Variants in FER1L6 observed in about 807,000 individuals in gnomAD.
FER1L6 encodes the protein fer-1-like protein 6.
In FER1L6, 177 loss-of-function variants were observed where a neutral mutation model predicts 219.2. The observed-to-expected ratio is 0.81, with a 90% CI of 0.71 to 0.91. The LOEUF is 0.91. FER1L6 is among the 40% of genes least tolerant of loss of function. The pLI is 0.00. For synonymous variants in FER1L6, 768 were observed against 824.3 expected (o/e 0.93, Z 1.17); for missense variants, 2,153 against 2,259.9 (o/e 0.95, Z 0.96).
In FER1L6 at chr8:124,082,516, G is replaced by A. The variant is rs112879937; in HGVS notation, c.4391+58G>A. On this transcript the variant is annotated intron_variant, in intron 33 of 40. Coordinates refer to ENST00000522917, the MANE Select transcript of FER1L6 (RefSeq NM_001039112.2). ...TTCTGAAGCTGTTGTAGCCTTTAGG[G>A]CTCCAGACTCTGCATCCCAGTTGTC... The A allele has an allele frequency of 4.4e-5, 66 of 1,504,682 alleles. No homozygotes were observed. In the African/African-American group the frequency reaches 7.6e-4, roughly 17 times the overall value. The allele number at this position is 1,504,682 out of a possible 1,614,324, so 93.2% of individuals were successfully genotyped here.
chr8:124,015,918 C>T (rs1186739466), intron 15 of FER1L6: 1 of 152,656 alleles, frequency 6.6e-6, no homozygotes, highest in Non-Finnish European at 1.5e-5. Flanking sequence ...CCAAACTGTT[C>T]ATGGCCAAGC....
rs182297019 is a variant in FER1L6, at chr8:124,116,823, T to A, written c.5290-2021T>A. On this transcript the variant is annotated intron_variant, in intron 39 of 40. Transcript: ENST00000522917. ...ATGATCTCTGGAAATAAGACTGTTT[T>A]GTACATTGGAGACCATTTTTCCATG... 2.6e-5 allele frequency among the ~76,000 whole-genome samples: 4 copies of A among 152,338 alleles called. No individual in the cohort carries two copies. The East Asian group carries it at 7.7e-4, about 29-fold the overall frequency.
At chr8:124,026,119 A>G (rs376414084) in intron 18 of FER1L6, among the ~76,000 whole-genome samples, 13 of 152,278 alleles carry the variant, frequency 8.5e-5, no homozygotes, top group East Asian at 5.8e-4. Context: ...GACAGATTCT[A>G]CTGTCTCTAA....
intron 1 of FER1L6, among the ~76,000 whole-genome samples, chr8:123,950,480 A>G (rs1325736905): frequency 6.6e-6 from 1 of 152,236 alleles, no homozygotes; most frequent in Non-Finnish European, 1.5e-5. Context: ...CTGAAGGGCT[A>G]TGAGAGGCTG....
Position 124,101,120 on chromosome 8 carries a change from A to G in FER1L6, c.4907A>G (p.Asp1636Gly), listed in dbSNP as rs1563800874. The change falls in exon 38 of 41, where the codon GAC becomes GGC. Residue 1636 changes from aspartate to glycine, a missense_variant. Physicochemically the swap from Asp to Gly is moderately conservative, Grantham distance 94. Transcript: ENST00000522917. Reference protein sequence around the residue: ...VKGWLKGLEDDKQETDVHYNS... With the variant: ...VKGWLKGLEDGKQETDVHYNS... ...AGGTGGTTAAAGGGCTTGGAGGATG[A>G]CAAGCAGGAGACAGATGTGCATTAC... is the stretch of plus-strand genomic sequence containing the variant. 12 of 1,613,510 alleles carry G rather than the reference A, an allele frequency of 7.4e-6. No individual in the cohort carries two copies. The highest frequency in any genetic ancestry group is 1.0e-5 in the Non-Finnish European group (12 of 1,179,606).
Position 123,976,035 on chromosome 8 carries a change from G to C in FER1L6, c.821G>C (p.Ser274Thr). 1 of 1,614,088 alleles carries C rather than the reference G, an allele frequency of 6.2e-7. No individual in the cohort carries two copies. Among genetic ancestry groups the C allele is most frequent in the Non-Finnish European group, 8.5e-7 (1 of 1,179,972 alleles). The change falls in exon 9 of 41, where the codon AGT (serine) becomes ACT (threonine). Residue 274 changes from serine (S) to threonine (T), a missense_variant. Ser to Thr is a moderately conservative substitution (Grantham distance 58). Transcript: ENST00000522917. ...GTCACCAAGGCATTTGTGGGTGACA[G>C]TAAGGACCTGGTGGATCCCTTTGTG... ...ANVTKAFVGD[S>T]KDLVDPFVEV...
chr8:123,975,783 T>G, intron 8 of FER1L6, 115 bp from the exon 9 acceptor site: 1 of 825,568 alleles, frequency 1.2e-6, no homozygotes, highest in Non-Finnish European at 1.9e-6. Context: ...AATCTTACTC[T>G]TTTCAGATTT....
intron 1 of FER1L6, among the ~76,000 whole-genome samples, chr8:123,944,178 T>C (rs1023748645): frequency 6.6e-6 from 1 of 151,988 alleles, no homozygotes; most frequent in Non-Finnish European, 1.5e-5. Context: ...TCATTCTACA[T>C]GCTCAATGAA....
At position 124,021,624 on chromosome 8, in the gene FER1L6, C is replaced by T. The variant is rs200092269; in HGVS notation, c.2088C>T (p.His696=). ...AGTTATCTGTTGATGAAATGATTCACGAAGCCCAAAACTTTGTGGAAAAAA... is the reference window on the plus strand; with the variant it reads ...AGTTATCTGTTGATGAAATGATTCATGAAGCCCAAAACTTTGTGGAAAAAA... ...KKKLSVDEMI[H]EAQNFVEKIR... is the part of the protein sequence containing the mutation. The change falls in exon 17 of 41, where the codon CAC becomes CAT. Residue 696 remains histidine, a synonymous_variant. Coordinates refer to ENST00000522917, the MANE Select transcript of FER1L6 (RefSeq NM_001039112.2). The T allele has an allele frequency of 1.0e-4, 162 of 1,614,002 alleles. No individual in the cohort carries two copies. In the African/African-American group the frequency reaches 1.6e-3, roughly 16 times the overall value.
At chr8:124,038,645 G>A (rs1819326098) in intron 19 of FER1L6, among the ~76,000 whole-genome samples, 1 of 152,066 alleles carries the variant, frequency 6.6e-6, no homozygotes, top group East Asian at 1.9e-4. Flanking sequence ...ACCCTATGAG[G>A]AACTATTATT....
intron 20 of FER1L6, among the ~76,000 whole-genome samples, chr8:124,042,585 G>T (rs1189107132): frequency 6.6e-6 from 1 of 152,170 alleles, no homozygotes; most frequent in Non-Finnish European, 1.5e-5. Context: ...CATAAGAAAG[G>T]GTACCAATTT....
intron 33 of FER1L6, among the ~76,000 whole-genome samples, chr8:124,087,934 G>T (rs557077207): frequency 3.3e-5 from 5 of 152,236 alleles, no homozygotes; most frequent in Admixed American, 3.3e-4. Context: ...CCAAACAAAT[G>T]GGGTTTATCT....
rs763071339 is a variant in FER1L6, at chr8:124,061,925, G to A, written c.3221G>A (p.Ser1074Asn). ...CVVDWRAFGR[S>N]TLVGTYTINY... The stretch of plus-strand genomic sequence containing the variant: ...GTGGACTGGAGAGCTTTTGGGAGGA[G>A]TACCCTTGTGGGCACCTACACCATC... The change falls in exon 25 of 41, where the codon AGT becomes AAT. Residue 1074 changes from serine (S) to asparagine (N), a missense_variant. Coordinates refer to ENST00000522917, the MANE Select transcript of FER1L6 (RefSeq NM_001039112.2). 2.2e-5 allele frequency: 36 copies of A among 1,614,062 alleles called. No homozygotes were observed. The African/African-American group carries it at 3.7e-4, about 17-fold the overall frequency.
intron 12 of FER1L6, among the ~76,000 whole-genome samples, chr8:123,994,985 T>A (rs1477160232): frequency 6.6e-6 from 1 of 152,254 alleles, no homozygotes; most frequent in Admixed American, 6.5e-5. Context: ...ATTGTGAGAT[T>A]CTCTGGTGGG....
chr8:123,966,269 C>G lies in FER1L6; in HGVS notation c.363C>G (p.Thr121=). 1 of 1,614,086 alleles carries G rather than the reference C, an allele frequency of 6.2e-7. No individual in the cohort carries two copies. The highest frequency in any genetic ancestry group is 8.5e-7 in the Non-Finnish European group (1 of 1,180,002). ...AGCAAAGCACAGTGAAGGAAGGAAC[C>G]AACAGCCCATTTTATAATGAAGTAA... ...EKKQSTVKEG[T]NSPFYNEYFV... The change falls in exon 5 of 41, where the codon ACC becomes ACG. Residue 121 remains threonine, a synonymous_variant. Transcript: ENST00000522917.
In FER1L6 at chr8:123,856,306, A is replaced by ATGTGTGTG. The variant is rs1397663136; in HGVS notation, c.-8+4122_-8+4123insGTGTGTGT. Among the ~76,000 whole-genome samples, 13 of 74,936 alleles carry ATGTGTGTG rather than the reference A, an allele frequency of 1.7e-4. 4 individuals are homozygous for ATGTGTGTG. The highest frequency in any genetic ancestry group is 7.6e-4 in the African/African-American group (13 of 17,194). The allele number at this position is 74,936 out of a possible 152,430, so 49.2% of individuals were successfully genotyped here. A position where few individuals can be genotyped will look rare whatever the true frequency, so the allele number is the denominator to read the frequency against. On this transcript the variant is annotated intron_variant, in intron 1 of 40. Transcript: ENST00000522917. ...TATGTGTGTGTGTATATATATATAT[A>ATGTGTGTG]TATGTATGTGTATATATATATATAT...
intron 1 of FER1L6, among the ~76,000 whole-genome samples, chr8:123,869,590 T>C (rs1816893069): frequency 6.6e-6 from 1 of 152,246 alleles, no homozygotes; most frequent in African/African-American, 2.4e-5. Flanking sequence ...ATCGGACAAC[T>C]CAACATTGTT....
rs77339593 is a variant in FER1L6 at position 123,932,687 on chromosome 8, A to G, written c.-7-23305A>G. Reference sequence around the variant, plus strand: ...AATTAGATCCTTCAGCAAGTACAATAGGAACCTGGGCAACTTACAGCTTCT... The same window carrying G: ...AATTAGATCCTTCAGCAAGTACAATGGGAACCTGGGCAACTTACAGCTTCT... On this transcript the variant is annotated intron_variant, in intron 1 of 40. Transcript: ENST00000522917. 4.0e-3 allele frequency among the ~76,000 whole-genome samples: 602 copies of G among 152,334 alleles called. 2 individuals carry two copies. Among genetic ancestry groups the G allele is most frequent in the Middle Eastern group, 0.014 (4 of 294 alleles).
intron 22 of FER1L6, among the ~76,000 whole-genome samples, chr8:124,053,461 C>A (rs1820141536): frequency 6.6e-6 from 1 of 152,176 alleles, no homozygotes; most frequent in Admixed American, 6.5e-5. Context: ...AATTTGATCA[C>A]CAGCATGACT....
Sources: gnomAD v4.1 joint callset for allele counts (sites outside exome capture counted in the v4.1 genomes callset) on GRCh38, gnomAD v4.1.1 for gene constraint, MANE v1.5 for transcripts, NCBI Gene and HGNC (gene_info 2026-07-23, HGNC 2026-07-21) for gene names.